Variants in GREB1 observed in about 807,000 individuals in gnomAD.
GREB1 encodes protein GREB1.
GREB1 carries 106 observed loss-of-function variants against 200.7 expected under a neutral mutation model. The observed-to-expected ratio is 0.53, with a 90% CI of 0.45 to 0.62. GREB1 has a LOEUF of 0.62. Ranked by LOEUF, GREB1 falls within the 20% of genes least tolerant of loss-of-function variation. The pLI is 0.00. For synonymous variants in GREB1, 1,132 were observed against 1,092.4 expected (o/e 1.04, Z -0.72); for missense variants, 2,243 against 2,556.8 (o/e 0.88, Z 2.65).
At chr2:11,630,889 G>T (rs889929081) in intron 26 of GREB1, among the ~76,000 whole-genome samples, 1 of 152,210 alleles carries the variant, frequency 6.6e-6, no homozygotes, top group Non-Finnish European at 1.5e-5. Flanking sequence ...CTCAAGGCAG[G>T]CCATGTGGAG....
Position 11,640,241 on chromosome 2 carries a change from T to C in GREB1, c.5687-50T>C, listed in dbSNP as rs369043623. ...TAGAATCCGGGCAGCCGCTTTCCTC[T>C]GGATAAACTCACCTTTTCCCTTCCC... On this transcript the variant is annotated intron_variant, in intron 32 of 32. Transcript: ENST00000381486. The surrounding 1 kb of genome is among the most constrained non-coding windows in gnomAD (Gnocchi z 4.6). The C allele has an allele frequency of 1.9e-6, 3 of 1,560,388 alleles. No homozygotes were observed. Among genetic ancestry groups the C allele is most frequent in the African/African-American group, 2.8e-5 (2 of 72,644 alleles).
chr2:11,625,336 C>T, intron 24 of GREB1, 24 bp downstream of exon 24: 1 of 1,610,970 alleles, frequency 6.2e-7, no homozygotes, highest in African/African-American at 1.3e-5. Flanking sequence ...TCTCTCGTTT[C>T]ACCTTCCAGA....
At chr2:11,513,042 C>A (rs1445779983) in intron 1 of GREB1, among the ~76,000 whole-genome samples, 5 of 152,140 alleles carry the variant, frequency 3.3e-5, no homozygotes, top group Non-Finnish European at 7.3e-5. Context: ...AAAGATGAAA[C>A]TTCTCTGTTC....
At position 11,539,062 on chromosome 2, in the gene GREB1, T is replaced by TCTTCTCTTCTCTTCTCTTCTCTTCC. The variant is rs1553347551; in HGVS notation, c.-162+4816_-162+4817insCTCTTCTCTTCTCTTCCCTTCTCTT. Among the ~76,000 whole-genome samples the TCTTCTCTTCTCTTCTCTTCTCTTCC allele has an allele frequency of 1.3e-3, 182 of 135,638 alleles. 4 individuals are homozygous for TCTTCTCTTCTCTTCTCTTCTCTTCC. Among genetic ancestry groups the TCTTCTCTTCTCTTCTCTTCTCTTCC allele is most frequent in the African/African-American group, 4.4e-3 (158 of 35,874 alleles). The allele number at this position is 135,638 out of a possible 152,430, so 89.0% of individuals were successfully genotyped here. A position where few individuals can be genotyped will look rare whatever the true frequency, so the allele number is the denominator to read the frequency against. ...TCTTCTCTTCTCTTCTCTTCTCTTC[T>TCTTCTCTTCTCTTCTCTTCTCTTCC]CTTCTCTTATGATAGGGTCTCACTT... is the stretch of plus-strand genomic sequence containing the variant. On this transcript the variant is annotated intron_variant, in intron 1 of 32. Transcript: ENST00000381486.
At chr2:11,620,850 C>G in intron 22 of GREB1, 55 bp from the exon 23 acceptor site, 1 of 1,033,520 alleles carries the variant, frequency 9.7e-7, no homozygotes, top group Admixed American at 1.7e-5. Flanking sequence ...CAGCCGGTGC[C>G]TGGCACGCGG....
At chr2:11,618,182 GTCACTCCT>G in intron 21 of GREB1, 98 bp from the exon 22 acceptor site, 1 of 966,488 alleles carries the variant, frequency 1.0e-6, no homozygotes, top group African/African-American at 2.0e-5. Context: ...CCTGGGACAG[GTCACTCCT>G]GGGATGGGTG....
chr2:11,605,286 C>T (rs1050729727), intron 17 of GREB1, among the ~76,000 whole-genome samples: 8 of 150,736 alleles, frequency 5.3e-5, no homozygotes, highest in African/African-American at 1.5e-4. Flanking sequence ...AGTGCAACGG[C>T]GCGATCTCAG....
chr2:11,608,461 A>G (rs543829860), intron 17 of GREB1, among the ~76,000 whole-genome samples: 132 of 152,336 alleles, frequency 8.7e-4, no homozygotes, highest in African/African-American at 3.2e-3. Context: ...AGAGAATACC[A>G]GACGTTGTTA....
At position 11,618,363 on chromosome 2, in the gene GREB1, C is replaced by T. The variant is rs774825482; in HGVS notation, c.3488C>T (p.Pro1163Leu). The T allele has an allele frequency of 3.1e-6, 5 of 1,610,926 alleles. No individual in the cohort carries two copies. The highest frequency in any genetic ancestry group is 1.7e-4 in the Middle Eastern group (1 of 6,046). ...GGAGAGCATGCCAGGTCGCCCCAGC[C>T]CCGTGGCCCCGCAGAGGAGGGCAGA... Reference protein sequence around the residue: ...PQGEHARSPQPRGPAEEGRAP... With the variant: ...PQGEHARSPQLRGPAEEGRAP... The change falls in exon 22 of 33, where the codon CCC (proline) becomes CTC (leucine). Residue 1163 changes from proline (P) to leucine (L), a missense_variant. Physicochemically the swap from Pro to Leu is moderately conservative, Grantham distance 98. This residue lies in a region of GREB1 where 587 missense variants were observed against 553.1 expected (regional missense o/e 1.06). Transcript: ENST00000381486.
At position 11,592,935 on chromosome 2, in the gene GREB1, C is replaced by T. The variant is rs1680884757; in HGVS notation, c.1505C>T (p.Pro502Leu). The T allele has an allele frequency of 3.8e-6, 6 of 1,585,550 alleles. No homozygotes were observed. The highest frequency in any genetic ancestry group is 5.1e-6 in the Non-Finnish European group (6 of 1,165,142). ...GCACCCGTGACCTCCGCGCAGCTGCCCTGGCTGGCCAGCCTGGCCGCCAGC... is the reference window on the plus strand; with the variant it reads ...GCACCCGTGACCTCCGCGCAGCTGCTCTGGCTGGCCAGCCTGGCCGCCAGC... The part of the protein sequence containing the change: ...AAAPVTSAQL[P>L]WLASLAASSC... The change falls in exon 11 of 33, where the codon CCC becomes CTC. Residue 502 changes from proline to leucine, a missense_variant. Pro to Leu is a moderately conservative substitution (Grantham distance 98). Coordinates refer to ENST00000381486, the MANE Select transcript of GREB1 (RefSeq NM_014668.4).
chr2:11,546,066 A>C (rs1814385), intron 1 of GREB1, among the ~76,000 whole-genome samples: 79,281 of 151,864 alleles, frequency 0.52, 23,025 homozygotes, highest in South Asian at 0.76. Flanking sequence ...AGTCCCAGCT[A>C]CTCGGGAGGC....
chr2:11,608,125 C>A (rs1682574793), intron 17 of GREB1, among the ~76,000 whole-genome samples: 1 of 152,160 alleles, frequency 6.6e-6, no homozygotes, highest in African/African-American at 2.4e-5. Flanking sequence ...ATACCTGAAC[C>A]ACTCTATTGT....
At chr2:11,510,830 A>C (rs1673329271) in intron 1 of GREB1, among the ~76,000 whole-genome samples, 1 of 151,520 alleles carries the variant, frequency 6.6e-6, no homozygotes, top group African/African-American at 2.4e-5. Flanking sequence ...CTGTCATCAC[A>C]CCCGGCTATT....
intron 18 of GREB1, among the ~76,000 whole-genome samples, chr2:11,611,307 T>C (rs887510007): frequency 1.3e-5 from 2 of 152,120 alleles, no homozygotes; most frequent in African/African-American, 4.8e-5. Context: ...TTTGTTTAGC[T>C]GATGCTTCTT....
intron 19 of GREB1, among the ~76,000 whole-genome samples, chr2:11,612,962 G>A (rs868036739): frequency 9.9e-5 from 15 of 152,262 alleles, no homozygotes; most frequent in African/African-American, 3.4e-4. Flanking sequence ...GTTCTGCTTG[G>A]GACAGTACGG....
intron 17 of GREB1, among the ~76,000 whole-genome samples, chr2:11,609,229 C>T (rs1442404922): frequency 7.5e-6 from 1 of 134,132 alleles, no homozygotes; most frequent in Admixed American, 7.6e-5. Flanking sequence ...TTCTTTCTTC[C>T]TGGGCATTAT....
chr2:11,485,519 C>T (rs1672636706), intron 1 of GREB1, among the ~76,000 whole-genome samples: 1 of 152,022 alleles, frequency 6.6e-6, no homozygotes, highest in Non-Finnish European at 1.5e-5. Flanking sequence ...AGTGATCCAC[C>T]CACCTCAGCC....
At chr2:11,638,867 C>T (rs1685591757) in intron 32 of GREB1, 58 bp downstream of exon 32, 1 of 1,568,484 alleles carries the variant, frequency 6.4e-7, no homozygotes, top group Non-Finnish European at 8.7e-7. Context: ...TCACCGGGTA[C>T]CCTGAGGAGG....
intron 7 of GREB1, among the ~76,000 whole-genome samples, chr2:11,584,003 C>T (rs1452553277): frequency 3.9e-5 from 6 of 152,096 alleles, no homozygotes. Flanking sequence ...TGCCTCGGGT[C>T]ACACCTGGAG....
Sources: gnomAD v4.1 joint callset for allele counts (sites outside exome capture counted in the v4.1 genomes callset) on GRCh38, gnomAD v4.1.1 for gene constraint, gnomAD v4.1.1 regional missense constraint, Gnocchi (gnomAD v3.1) non-coding constraint, MANE v1.5 for transcripts, NCBI Gene and HGNC (gene_info 2026-07-23, HGNC 2026-07-21) for gene names.